NEK11: variants seen among roughly 807,000 people sequenced by gnomAD.
NEK11 encodes the protein serine/threonine-protein kinase Nek11.
NEK11 carries 72 observed loss-of-function variants against 80.7 expected under a neutral mutation model. The ratio of observed to expected loss-of-function variants is 0.89; its 90% CI spans 0.74 to 1.08. NEK11 has a LOEUF of 1.08. NEK11 is among the 50% of genes least tolerant of loss of function. The probability of loss-of-function intolerance (pLI) is 0.00; values close to 1 mark genes in which losing one functional copy is unlikely to be tolerated. For missense variants in NEK11, 764 were observed against 763.6 expected (o/e 1.00, Z -0.01); for synonymous variants, 251 against 260.7 (o/e 0.96, Z 0.36).
At chr3:131,030,755 C>A (rs2064724319) in intron 3 of NEK11, among the ~76,000 whole-genome samples, 1 of 152,136 alleles carries the variant, frequency 6.6e-6, no homozygotes, top group East Asian at 1.9e-4. Context: ...ATGATCGGAC[C>A]CTCTACACTT....
chr3:131,272,114 A>G (rs1177388467), intron 16 of NEK11, among the ~76,000 whole-genome samples: 2 of 152,192 alleles, frequency 1.3e-5, no homozygotes, highest in Non-Finnish European at 2.9e-5. Flanking sequence ...AAAAAGAAGA[A>G]GAAAAAGTTT....
intron 3 of NEK11, among the ~76,000 whole-genome samples, chr3:131,040,964 C>G (rs1261720799): frequency 1.3e-5 from 2 of 152,290 alleles, no homozygotes; most frequent in Middle Eastern, 3.4e-3. Flanking sequence ...TGGCTGCTTT[C>G]CTTCAGGGGA....
chr3:131,228,496 G>T lies in NEK11; in HGVS notation c.1400-32G>T, dbSNP rs538910659. 1.4e-5 allele frequency: 22 copies of T among 1,562,294 alleles called. 1 individual carries two copies. In the South Asian group the frequency reaches 2.5e-4, roughly 18 times the overall value. On this transcript the variant is annotated intron_variant, in intron 14 of 17. Transcript: ENST00000383366. ...TTACCTCATTATAATTTTAATAACT[G>T]GTAGTATCTGACTGTTTGTTCATTA...
intron 14 of NEK11, among the ~76,000 whole-genome samples, chr3:131,213,703 C>T (rs2050265000): frequency 1.3e-5 from 2 of 152,118 alleles, no homozygotes; most frequent in African/African-American, 2.4e-5. Context: ...TCTCCATCAC[C>T]TCGAAGCATG....
intron 3 of NEK11, among the ~76,000 whole-genome samples, chr3:131,072,800 G>A: frequency 6.6e-6 from 1 of 152,194 alleles, no homozygotes; most frequent in East Asian, 1.9e-4. Context: ...CTACGAGACA[G>A]CCCCAGCAGC....
At chr3:131,206,945 C>A (rs941029344) in intron 14 of NEK11, among the ~76,000 whole-genome samples, 12 of 152,112 alleles carry the variant, frequency 7.9e-5, no homozygotes, top group African/African-American at 2.9e-4. Context: ...TGATAGTTTG[C>A]TGGGAATGAT....
intron 14 of NEK11, among the ~76,000 whole-genome samples, chr3:131,211,720 A>G (rs1277591358): frequency 6.6e-6 from 1 of 151,974 alleles, no homozygotes; most frequent in Non-Finnish European, 1.5e-5. Context: ...CACTCATTTA[A>G]TCTTCAACCA....
chr3:131,159,516 A>G (rs927290539), intron 10 of NEK11, among the ~76,000 whole-genome samples: 2 of 152,226 alleles, frequency 1.3e-5, no homozygotes, highest in African/African-American at 4.8e-5. Flanking sequence ...CTATAATCCC[A>G]GCACTTTGGG....
chr3:131,251,201 A>G (rs1255431761), intron 16 of NEK11, among the ~76,000 whole-genome samples: 4 of 85,528 alleles, frequency 4.7e-5, no homozygotes, highest in South Asian at 4.0e-4. Context: ...AGGTAAATAC[A>G]AAAAAAAAAA....
At chr3:131,105,141 A>G (rs775446353) in intron 4 of NEK11, among the ~76,000 whole-genome samples, 8 of 152,372 alleles carry the variant, frequency 5.3e-5, no homozygotes, top group African/African-American at 9.6e-5. Flanking sequence ...CAAGTCAGCC[A>G]TCATGGCATT....
intron 16 of NEK11, among the ~76,000 whole-genome samples, chr3:131,259,496 T>A (rs1283157807): frequency 6.6e-6 from 1 of 152,144 alleles, no homozygotes; most frequent in African/African-American, 2.4e-5. Flanking sequence ...AGGCTGGGTT[T>A]TCTAGGAAGC....
intron 17 of NEK11, among the ~76,000 whole-genome samples, chr3:131,287,234 C>T (rs1455103866): frequency 2.0e-5 from 3 of 152,072 alleles, no homozygotes; most frequent in Admixed American, 2.0e-4. Flanking sequence ...GACCCATGGC[C>T]CACTTTATCT....
intron 14 of NEK11, among the ~76,000 whole-genome samples, chr3:131,174,356 T>C (rs1228414553): frequency 6.6e-6 from 1 of 152,212 alleles, no homozygotes; most frequent in African/African-American, 2.4e-5. Flanking sequence ...TTTAGAAGAT[T>C]AGACTGCAAA....
intron 12 of NEK11, among the ~76,000 whole-genome samples, chr3:131,166,896 CA>C (rs1365454081): frequency 1.3e-5 from 2 of 152,168 alleles, no homozygotes; most frequent in Non-Finnish European, 2.9e-5. Flanking sequence ...CTAGGCCCTG[CA>C]AATGATAGCC....
intron 14 of NEK11, among the ~76,000 whole-genome samples, chr3:131,223,669 C>G (rs545959213): frequency 2.0e-5 from 3 of 152,126 alleles, no homozygotes; most frequent in Admixed American, 1.3e-4. Flanking sequence ...ATCTGCAAAG[C>G]CTAAAATTGT....
intron 17 of NEK11, among the ~76,000 whole-genome samples, chr3:131,311,770 T>C (rs1220018216): frequency 1.3e-5 from 2 of 152,208 alleles, no homozygotes; most frequent in Non-Finnish European, 2.9e-5. Flanking sequence ...TTGAAGAGTA[T>C]AGTTCTTGCA....
intron 7 of NEK11, among the ~76,000 whole-genome samples, chr3:131,140,903 A>G (rs1404279745): frequency 2.6e-5 from 4 of 152,108 alleles, no homozygotes; most frequent in African/African-American, 4.8e-5. Flanking sequence ...GCACTGGACC[A>G]TCTGACTCCA....
intron 17 of NEK11, among the ~76,000 whole-genome samples, chr3:131,294,366 G>A (rs996230846): frequency 3.3e-5 from 5 of 151,914 alleles, no homozygotes; most frequent in Non-Finnish European, 5.9e-5. Context: ...ATGTGTTTCA[G>A]GATTTTCTAG....
In NEK11 at chr3:131,029,627, T is replaced by C; in HGVS notation, c.-82T>C. On this transcript the variant is annotated 5_prime_UTR_variant, in exon 3 of 18. Coordinates refer to ENST00000383366, the MANE Select transcript of NEK11 (RefSeq NM_024800.5). ...TCATCTTTAAGGAACTGACCAACAC[T>C]GGATGAATTTGACCATTTCTTAGGA... The C allele has an allele frequency of 1.5e-6, 2 of 1,353,726 alleles. No homozygotes were observed. Among genetic ancestry groups the C allele is most frequent in the Non-Finnish European group, 1.0e-6 (1 of 967,414 alleles). 83.9% of individuals were successfully genotyped at this position (1,353,726 alleles called of 1,614,324 possible).
Sources: allele counts gnomAD v4.1 joint callset (sites outside exome capture counted in the v4.1 genomes callset), GRCh38; gene constraint gnomAD v4.1.1; transcripts MANE v1.5; gene names NCBI Gene and HGNC (gene_info 2026-07-23, HGNC 2026-07-21).